The following TGM2 variants were observed in gnomAD, a reference collection of about 807,000 sequenced individuals.
TGM2 encodes the protein protein-glutamine gamma-glutamyltransferase 2.
Under a neutral mutation model 75.6 loss-of-function variants are expected in TGM2, and 53 were observed. The observed-to-expected ratio is 0.70, with a 90% confidence interval of 0.56 to 0.88. TGM2 has a LOEUF of 0.88. Ranked by LOEUF, TGM2 falls within the 40% of genes least tolerant of loss-of-function variation. The probability of loss-of-function intolerance (pLI) is 0.00; values close to 1 mark genes in which losing one functional copy is unlikely to be tolerated. For synonymous variants in TGM2, 374 were observed against 381.1 expected (o/e 0.98, Z 0.22); for missense variants, 842 against 928.5 (o/e 0.91, Z 1.21).
chr20:38,130,931 G>A (rs199541181), intron 12 of TGM2, among the ~76,000 whole-genome samples, 162 bp downstream of exon 12: 19 of 152,176 alleles, frequency 1.2e-4, no homozygotes, highest in Middle Eastern at 3.4e-3. Flanking sequence ...AGAATGTGAC[G>A]GTGGGAACTC....
chr20:38,132,067 G>A (rs539240226), intron 11 of TGM2, among the ~76,000 whole-genome samples: 148 of 152,042 alleles, frequency 9.7e-4, no homozygotes, highest in African/African-American at 3.5e-3. Flanking sequence ...AGCCTTAGTA[G>A]TATAGCATTT....
upstream of TGM2, among the ~76,000 whole-genome samples, chr20:38,166,826 C>T (rs1341462561): frequency 1.3e-5 from 2 of 152,090 alleles, no homozygotes; most frequent in Non-Finnish European, 2.9e-5. Context: ...CCGTAATTGC[C>T]CCATTTTATA....
intron 2 of TGM2, among the ~76,000 whole-genome samples, chr20:38,159,955 G>A (rs888268939): frequency 2.6e-5 from 4 of 152,140 alleles, no homozygotes; most frequent in African/African-American, 4.8e-5. Flanking sequence ...TTTTCACTTC[G>A]TAAAGGGGGA....
chr20:38,134,816 C>A (rs1331935428), intron 10 of TGM2, among the ~76,000 whole-genome samples: 2 of 152,196 alleles, frequency 1.3e-5, no homozygotes, highest in East Asian at 3.8e-4. Context: ...TTCCTGTCCA[C>A]CAGCACACGG....
At chr20:38,140,027 A>C (rs1312213564) in intron 8 of TGM2, among the ~76,000 whole-genome samples, 4 of 152,260 alleles carry the variant, frequency 2.6e-5, no homozygotes, top group East Asian at 3.8e-4. Flanking sequence ...ATAAAATGGA[A>C]ATGTATCCCA....
chr20:38,153,136 G>C (rs149337008), intron 3 of TGM2, among the ~76,000 whole-genome samples: 5 of 152,132 alleles, frequency 3.3e-5, no homozygotes, highest in African/African-American at 1.2e-4. Flanking sequence ...TGGTCCCTGC[G>C]TGCCATGAGC....
intron 1 of TGM2, among the ~76,000 whole-genome samples, chr20:38,163,378 G>A (rs922136585): frequency 5.9e-5 from 9 of 152,172 alleles, no homozygotes; most frequent in African/African-American, 2.4e-5. Context: ...GCTCACCATC[G>A]ACTATTCCAA....
chr20:38,141,322 G>GCCCT lies in TGM2; in HGVS notation c.1055_1058dup (p.Trp354GlyfsTer77). Reference sequence around the variant, plus strand: ...GGGGCGTTGGGTCCAGGGCCTGCCAGCCCTCGTACCCCGGCTGCAGGTCCG... The same window carrying GCCCT: ...GGGGCGTTGGGTCCAGGGCCTGCCAGCCCTCCCTCGTACCCCGGCTGCAGGTCCG... On this transcript the variant is annotated frameshift_variant, in exon 8 of 13. Transcript: ENST00000361475. LOFTEE classifies it high-confidence loss of function. The GCCCT allele has an allele frequency of 6.3e-7, 1 of 1,590,240 alleles. No homozygotes were observed. The highest frequency in any genetic ancestry group is 1.2e-5 in the South Asian group (1 of 86,936).
In TGM2 at chr20:38,155,941, G is replaced by C; in HGVS notation, c.339C>G (p.Gly113=). The C allele has an allele frequency of 6.2e-7, 1 of 1,612,242 alleles. No homozygotes were observed. The highest frequency in any genetic ancestry group is 8.5e-7 in the Non-Finnish European group (1 of 1,179,432). ...QLTTPANAPI[G]LYRLSLEAST... is the part of the protein sequence containing the mutation. ...AGGCCTCCAGGCTGAGGCGATACAG[G>C]CCGATGGGGGCGTTGGCCGGGGTGG... is the stretch of plus-strand genomic sequence containing the variant. Residue 113 remains glycine, a synonymous_variant, in exon 3 of 13, where the codon GGC becomes GGG. Transcript: ENST00000361475.
intron 10 of TGM2, among the ~76,000 whole-genome samples, chr20:38,137,667 A>G (rs1374322075): frequency 6.6e-6 from 1 of 152,104 alleles, no homozygotes; most frequent in South Asian, 2.1e-4. Context: ...GAGCAACCAG[A>G]GGCACAGGAG....
chr20:38,165,439 C>A, upstream of TGM2: 1 of 581,592 alleles, frequency 1.7e-6, no homozygotes, highest in South Asian at 2.1e-5. Flanking sequence ...GGACGGCGGC[C>A]GGACGAGGGC....
At chr20:38,166,313 C>T (rs1286102340), upstream of TGM2, 1 of 152,896 alleles carries the variant, frequency 6.5e-6, no homozygotes, top group Non-Finnish European at 1.5e-5. Context: ...CCATCCCTCC[C>T]TCGGCCTTCT....
At chr20:38,158,357 C>G (rs2075213054) in intron 2 of TGM2, among the ~76,000 whole-genome samples, 1 of 152,230 alleles carries the variant, frequency 6.6e-6, no homozygotes, top group Non-Finnish European at 1.5e-5. Context: ...GGCTGCGGTT[C>G]TACACCATCC....
At chr20:38,154,255 T>C (rs1325724441) in intron 3 of TGM2, among the ~76,000 whole-genome samples, 1 of 152,078 alleles carries the variant, frequency 6.6e-6, no homozygotes, top group Non-Finnish European at 1.5e-5. Flanking sequence ...TGCCTCAAAA[T>C]AGAGAAGAAA....
Position 38,147,948 on chromosome 20 carries a change from G to A in TGM2, c.681+13C>T. The A allele has an allele frequency of 6.2e-7, 1 of 1,606,948 alleles. No individual in the cohort carries two copies. The highest frequency in any genetic ancestry group is 8.5e-7 in the Non-Finnish European group (1 of 1,177,634). On this transcript the variant is annotated intron_variant, in intron 5 of 12. Transcript: ENST00000361475. ...TAGGCCCCGCCCCTGGATGGGCCATGCCACTCACTCACCATGCCACTCACC... is the reference window on the plus strand; with the variant it reads ...TAGGCCCCGCCCCTGGATGGGCCATACCACTCACTCACCATGCCACTCACC...
chr20:38,151,567 C>T, intron 3 of TGM2, among the ~76,000 whole-genome samples: 1 of 152,098 alleles, frequency 6.6e-6, no homozygotes, highest in East Asian at 1.9e-4. Flanking sequence ...CTGAAAGGTG[C>T]TTTGGAAACG....
upstream of TGM2, among the ~76,000 whole-genome samples, chr20:38,167,295 T>C (rs1464340647): frequency 6.6e-6 from 1 of 152,164 alleles, no homozygotes; most frequent in Non-Finnish European, 1.5e-5. Context: ...ATTTTTTCCT[T>C]TAAAACCCTC....
chr20:38,152,042 C>T (rs1400320910), intron 3 of TGM2, among the ~76,000 whole-genome samples: 1 of 152,028 alleles, frequency 6.6e-6, no homozygotes, highest in Non-Finnish European at 1.5e-5. Context: ...ATTCCTTCCT[C>T]CATTAGAAAA....
chr20:38,167,038 T>C (rs373765422), upstream of TGM2, among the ~76,000 whole-genome samples: 8 of 152,148 alleles, frequency 5.3e-5, no homozygotes, highest in East Asian at 1.9e-4. Flanking sequence ...AATCCCTCCC[T>C]CACAGGCCTG....
Sources: gnomAD v4.1 joint callset for allele counts (sites outside exome capture counted in the v4.1 genomes callset) on GRCh38, gnomAD v4.1.1 for gene constraint, MANE v1.5 for transcripts, NCBI Gene and HGNC (gene_info 2026-07-23, HGNC 2026-07-21) for gene names.